BRD9: variants seen among roughly 807,000 people sequenced by gnomAD.
The protein encoded by BRD9 is bromodomain containing 9, also known as bromodomain-containing protein 9.
In BRD9, 47 loss-of-function variants were observed where a neutral mutation model predicts 68.7. The ratio of observed to expected loss-of-function variants is 0.68; its 90% CI spans 0.54 to 0.87. The LOEUF is 0.87. Among genes scored for constraint, BRD9 ranks in the 40% least tolerant of loss-of-function variants. The probability of loss-of-function intolerance (pLI) is 0.00; values close to 1 mark genes in which losing one functional copy is unlikely to be tolerated. For missense variants in BRD9, 670 were observed against 748.4 expected, an observed-to-expected ratio of 0.90 and a Z score of 1.22; for synonymous variants, 313 against 293.9, an observed-to-expected ratio of 1.06 and a Z score of -0.67.
intron 12 of BRD9, among the ~76,000 whole-genome samples, chr5:872,140 T>G (rs1267001175): frequency 1.3e-5 from 2 of 152,196 alleles, no homozygotes; most frequent in African/African-American, 4.8e-5. Context: ...TCCACAACTG[T>G]CGGCCTCCGT....
Position 870,725 on chromosome 5 carries a change from G to C in BRD9, c.1423-150C>G, listed in dbSNP as rs566624290. On this transcript the variant is annotated intron_variant, in intron 13 of 15. Transcript: ENST00000467963. Reference sequence around the variant, plus strand: ...ACAAGACCAAGCCCTGTTCACTGAGGCTGCTGTTCAAGGGACTGTCAGGTT... The same window carrying C: ...ACAAGACCAAGCCCTGTTCACTGAGCCTGCTGTTCAAGGGACTGTCAGGTT... 34 of 593,148 alleles carry C rather than the reference G, an allele frequency of 5.7e-5. No individual in the cohort carries two copies. The East Asian group carries it at 9.2e-4, about 16-fold the overall frequency. 36.7% of individuals were successfully genotyped at this position (593,148 alleles called of 1,614,324 possible).
At chr5:876,031 C>G in intron 12 of BRD9, 70 bp downstream of exon 12, 2 of 1,089,712 alleles carry the variant, frequency 1.8e-6, no homozygotes, top group Non-Finnish European at 2.7e-6. Context: ...CCTGGTCAGG[C>G]TGCAGGCTCT....
intron 6 of BRD9, 175 bp from the exon 7 acceptor site, chr5:886,882 T>A: frequency 8.6e-7 from 1 of 1,161,982 alleles, no homozygotes; most frequent in East Asian, 2.6e-5. Flanking sequence ...AGAGCTAACT[T>A]TCCACGGCGG....
At chr5:876,739 C>G (rs1750996301) in intron 11 of BRD9, among the ~76,000 whole-genome samples, 1 of 152,204 alleles carries the variant, frequency 6.6e-6, no homozygotes, top group Non-Finnish European at 1.5e-5. Flanking sequence ...GTCTTAGAAT[C>G]AAAGCACCAA....
intron 11 of BRD9, among the ~76,000 whole-genome samples, chr5:878,128 C>A (rs894420331): frequency 1.3e-5 from 2 of 152,202 alleles, no homozygotes; most frequent in African/African-American, 4.8e-5. Flanking sequence ...AACCCCTTCA[C>A]AAGCTACGCC....
At chr5:878,300 C>T in intron 11 of BRD9, 55 bp downstream of exon 11, 1 of 1,602,744 alleles carries the variant, frequency 6.2e-7, no homozygotes, top group South Asian at 1.1e-5. Flanking sequence ...CGTCCCACAC[C>T]AGGGCACAGC....
At chr5:874,951 T>A (rs1196427806) in intron 12 of BRD9, among the ~76,000 whole-genome samples, 1 of 152,122 alleles carries the variant, frequency 6.6e-6, no homozygotes, top group African/African-American at 2.4e-5. Flanking sequence ...TGGTGGAAAA[T>A]GACATTTGAG....
intron 14 of BRD9, chr5:866,499 G>A (rs1202023285): frequency 6.6e-6 from 1 of 152,276 alleles, no homozygotes; most frequent in Non-Finnish European, 1.5e-5. Context: ...AGGAAGATGA[G>A]GGAAAGTTTG....
chr5:867,245 G>A (rs537984079), intron 14 of BRD9, among the ~76,000 whole-genome samples: 36 of 152,254 alleles, frequency 2.4e-4, no homozygotes, highest in Non-Finnish European at 4.6e-4. Flanking sequence ...CCTCCACCTA[G>A]ATTTCAGAGG....
intron 12 of BRD9, among the ~76,000 whole-genome samples, chr5:873,188 A>G (rs943969741): frequency 6.6e-6 from 1 of 152,104 alleles, no homozygotes; most frequent in African/African-American, 2.4e-5. Context: ...AAAAGAAAGA[A>G]AGTAAAGATA....
At position 871,627 on chromosome 5, in the gene BRD9, C is replaced by G. The variant is rs9313245; in HGVS notation, c.1384-63G>C. The G allele has an allele frequency of 3.3e-5, 48 of 1,468,122 alleles. 1 individual carries two copies. The South Asian group carries it at 5.2e-4, about 16-fold the overall frequency. 90.9% of individuals were successfully genotyped at this position (1,468,122 alleles called of 1,614,324 possible). A position where few individuals can be genotyped will look rare whatever the true frequency, so the allele number is the denominator to read the frequency against. ...AGTGATTTCATAGAAACGGACAATT[C>G]GCTGACATTACACACACGTAAAAAT... On this transcript the variant is annotated intron_variant, in intron 12 of 15. Coordinates refer to ENST00000467963, the MANE Select transcript of BRD9 (RefSeq NM_023924.5).
chr5:871,448 C>T, intron 13 of BRD9, 78 bp downstream of exon 13: 1 of 1,326,646 alleles, frequency 7.5e-7, no homozygotes, highest in Non-Finnish European at 1.1e-6. Context: ...ACACACAGAC[C>T]TCCCCACCTC....
intron 14 of BRD9, 196 bp from the exon 15 acceptor site, chr5:865,777 G>C (rs1174562386): frequency 1.8e-6 from 1 of 568,836 alleles, no homozygotes; most frequent in Non-Finnish European, 3.0e-6. Context: ...TGAGTGAAGG[G>C]AAGGCAGACA....
intron 14 of BRD9, chr5:869,110 AGGGAAACAT>A (rs1458261693): frequency 3.3e-6 from 1 of 301,776 alleles, no homozygotes; most frequent in Non-Finnish European, 6.4e-6. Flanking sequence ...CACAGAAGTC[AGGGAAACAT>A]CTGTAAATGA....
intron 6 of BRD9, 133 bp from the exon 7 acceptor site, chr5:886,840 G>T: frequency 1.4e-6 from 2 of 1,473,314 alleles, no homozygotes; most frequent in Non-Finnish European, 1.8e-6. Context: ...CGATGGGATG[G>T]GATGGGGATG....
intron 11 of BRD9, among the ~76,000 whole-genome samples, chr5:876,783 A>G (rs542650775): frequency 1.3e-5 from 2 of 152,374 alleles, no homozygotes; most frequent in African/African-American, 4.8e-5. Flanking sequence ...CAGACTCCAA[A>G]GACCTTCACA....
At position 879,939 on chromosome 5, in the gene BRD9, G is replaced by GGTGCCCCAGTGCA; in HGVS notation, c.1043-63_1043-51dup. Reference sequence around the variant, plus strand: ...TGAGTGGCAGGTGTGACCCCAACGCGGTGCCCCAGTGCAGTGCCATGAGCC... The same window carrying GGTGCCCCAGTGCA: ...TGAGTGGCAGGTGTGACCCCAACGCGGTGCCCCAGTGCAGTGCCCCAGTGCAGTGCCATGAGCC... On this transcript the variant is annotated intron_variant, in intron 9 of 15. Coordinates refer to ENST00000467963, the MANE Select transcript of BRD9 (RefSeq NM_023924.5). 4.2e-6 allele frequency: 3 copies of GGTGCCCCAGTGCA among 712,606 alleles called. 1 individual carries two copies. The East Asian group carries it at 7.7e-5, about 18-fold the overall frequency. The allele number at this position is 712,606 out of a possible 1,614,324, so 44.1% of individuals were successfully genotyped here.
At chr5:865,263 G>T in intron 15 of BRD9, 151 bp downstream of exon 15, 1 of 1,080,258 alleles carries the variant, frequency 9.3e-7, no homozygotes. Flanking sequence ...GCGACCCAAG[G>T]ACATCTGTGG....
chr5:892,120 G>T (rs370002591), intron 1 of BRD9: 2 of 523,550 alleles, frequency 3.8e-6, no homozygotes, highest in Non-Finnish European at 3.4e-6. Context: ...CACATTACTC[G>T]TTCAAGAAGA....
Sources: gnomAD v4.1 joint callset for allele counts (sites outside exome capture counted in the v4.1 genomes callset) on GRCh38, gnomAD v4.1.1 for gene constraint, MANE v1.5 for transcripts, NCBI Gene and HGNC (gene_info 2026-07-23, HGNC 2026-07-21) for gene names.